Variants in NXN observed in about 807,000 individuals in gnomAD.
NXN encodes the protein nucleoredoxin 1.
Under a neutral mutation model 48.6 loss-of-function variants are expected in NXN, and 16 were observed. That is an observed-to-expected ratio of 0.33 (90% CI 0.22 to 0.50). The LOEUF is 0.50. Among genes scored for constraint, NXN ranks in the 20% least tolerant of loss-of-function variants. NXN has a pLI of 0.98. For missense variants in NXN, 492 were observed against 605.5 expected, an observed-to-expected ratio of 0.81 and a Z score of 1.97; for synonymous variants, 281 against 269.6, an observed-to-expected ratio of 1.04 and a Z score of -0.41.
At chr17:842,114 C>T (rs138139862) in intron 1 of NXN, among the ~76,000 whole-genome samples, 64 of 152,112 alleles carry the variant, frequency 4.2e-4, no homozygotes, top group African/African-American at 1.4e-3. Flanking sequence ...CCAGCCTGGG[C>T]GACAGAGAGA....
In NXN at chr17:855,451, T is replaced by A. The variant is rs116624040; in HGVS notation, c.361-29373A>T. Reference sequence around the variant, plus strand: ...TCCAAGATATCTTCTTTGCGGCTAGTAAAAACTTGACTGCTCCCCAGGATC... The same window carrying A: ...TCCAAGATATCTTCTTTGCGGCTAGAAAAAACTTGACTGCTCCCCAGGATC... On this transcript the variant is annotated intron_variant, in intron 1 of 7. Transcript: ENST00000336868. 9.8e-3 allele frequency among the ~76,000 whole-genome samples: 1,489 copies of A among 152,304 alleles called. 33 individuals are homozygous for A. The highest frequency in any genetic ancestry group is 0.034 in the African/African-American group (1,432 of 41,562).
chr17:887,714 A>G (rs771830678), intron 1 of NXN, among the ~76,000 whole-genome samples: 1 of 152,190 alleles, frequency 6.6e-6, no homozygotes, highest in Admixed American at 6.5e-5. Flanking sequence ...CCACCGTCAC[A>G]GAGCTGGCCC....
In NXN at chr17:920,138, G is replaced by A. The variant is rs528544698; in HGVS notation, c.360+59181C>T. On this transcript the variant is annotated intron_variant, in intron 1 of 7. Coordinates refer to ENST00000336868, the MANE Select transcript of NXN (RefSeq NM_022463.5). This position sits in a 1 kb window ranked among gnomAD's most constrained non-coding sequence, Gnocchi z 4.6. ...TGGTCTTGAACTCCTGGGCTCAAGC[G>A]ATCAGCCCATCTCAGCCGCCCAAAG... Among the ~76,000 whole-genome samples, 4 of 152,008 alleles carry A rather than the reference G, an allele frequency of 2.6e-5. No homozygotes were observed. Among genetic ancestry groups the A allele is most frequent in the African/African-American group, 4.8e-5 (2 of 41,466 alleles).
In NXN at chr17:805,220, G is replaced by A. The variant is rs766775982; in HGVS notation, c.848C>T (p.Pro283Leu). ...CTGCCGCGTGATCACCTCGCCCTGC[G>A]GGTCCAGCATGATGAGCGTGGGGAT... ...QGIPTLIMLDPQGEVITRQGR... is the reference protein window; with the variant it reads ...QGIPTLIMLDLQGEVITRQGR... Residue 283 changes from proline to leucine, a missense_variant, in exon 6 of 8, where the codon CCG becomes CTG. Coordinates refer to ENST00000336868, the MANE Select transcript of NXN (RefSeq NM_022463.5). 33 of 1,611,726 alleles carry A rather than the reference G, an allele frequency of 2.0e-5. No individual in the cohort carries two copies. Among genetic ancestry groups the A allele is most frequent in the East Asian group, 4.5e-5 (2 of 44,836 alleles).
At chr17:801,197 G>T in intron 7 of NXN, 66 bp from the exon 8 acceptor site, 2 of 1,306,018 alleles carry the variant, frequency 1.5e-6, no homozygotes, top group Non-Finnish European at 2.0e-6. Context: ...AGTCCCCTGG[G>T]CCCAGTCTCC....
At chr17:832,781 A>G (rs940693417) in intron 1 of NXN, among the ~76,000 whole-genome samples, 1 of 151,978 alleles carries the variant, frequency 6.6e-6, no homozygotes, top group African/African-American at 2.4e-5. Flanking sequence ...TCTCAGGAGC[A>G]CAGGAGGTCT....
intron 7 of NXN, among the ~76,000 whole-genome samples, chr17:802,929 T>A (rs751294689): frequency 9.8e-5 from 12 of 123,060 alleles, no homozygotes; most frequent in Non-Finnish European, 1.8e-4. Context: ...CAAAACTGTC[T>A]GTCAGTCAGT....
intron 5 of NXN, among the ~76,000 whole-genome samples, chr17:807,125 C>T (rs748601514): frequency 7.2e-5 from 11 of 152,216 alleles, no homozygotes; most frequent in Non-Finnish European, 1.6e-4. Context: ...TGTGTCCATC[C>T]ATGAGGCTCG....
At chr17:966,110 C>T (rs1452726896) in intron 1 of NXN, among the ~76,000 whole-genome samples, 1 of 148,988 alleles carries the variant, frequency 6.7e-6, no homozygotes, top group African/African-American at 2.5e-5. Context: ...GAGCAAAATT[C>T]TGTCTCAAAA....
At chr17:826,988 G>A (rs938010025) in intron 1 of NXN, among the ~76,000 whole-genome samples, 4 of 152,324 alleles carry the variant, frequency 2.6e-5, no homozygotes, top group Admixed American at 6.5e-5. Context: ...CACTGCCGTC[G>A]GGGTGAACGC....
chr17:840,377 C>T (rs1229593155), intron 1 of NXN, among the ~76,000 whole-genome samples: 3 of 151,922 alleles, frequency 2.0e-5, no homozygotes, highest in African/African-American at 7.2e-5. Flanking sequence ...TCTCGCTCTG[C>T]CGCCCAGGCT....
chr17:956,567 C>T lies in NXN; in HGVS notation c.360+22752G>A, dbSNP rs1055139293. ...TAGCTGGGACTACAGGCGCCCGCCA[C>T]CACGTCCGGCTAATTTTTTGTATTT... On this transcript the variant is annotated intron_variant, in intron 1 of 7. Transcript: ENST00000336868. The surrounding 1 kb of genome is among the most constrained non-coding windows in gnomAD (Gnocchi z 4.1). Among the ~76,000 whole-genome samples the T allele has an allele frequency of 6.6e-6, 1 of 152,142 alleles. No individual in the cohort carries two copies. Among genetic ancestry groups the T allele is most frequent in the Non-Finnish European group, 1.5e-5 (1 of 68,036 alleles).
chr17:939,477 C>G (rs1004730045), intron 1 of NXN, among the ~76,000 whole-genome samples: 2 of 151,622 alleles, frequency 1.3e-5, no homozygotes, highest in African/African-American at 2.4e-5. Flanking sequence ...TCCCCAGTAG[C>G]AGGGATTACA....
rs111954333 is a variant in NXN, at chr17:806,055, G to A, written c.821-808C>T. Among the ~76,000 whole-genome samples the A allele has an allele frequency of 1.3e-4, 19 of 151,692 alleles. 1 individual carries two copies. The highest frequency in any genetic ancestry group is 6.3e-4 in the South Asian group (3 of 4,788). ...CAGTGAGCGCAGGGCCAGTGCCGCC[G>A]GGGGGAACCTGAGGCTGGCCGCACC... On this transcript the variant is annotated intron_variant, in intron 5 of 7. Transcript: ENST00000336868.
At chr17:882,502 G>C (rs1354874832) in intron 1 of NXN, among the ~76,000 whole-genome samples, 1 of 152,164 alleles carries the variant, frequency 6.6e-6, no homozygotes, top group Non-Finnish European at 1.5e-5. Context: ...GTCTCGCTCT[G>C]TCACCCAGGC....
intron 5 of NXN, among the ~76,000 whole-genome samples, chr17:815,373 C>T (rs201737303): frequency 2.2e-4 from 26 of 115,856 alleles, no homozygotes; most frequent in Admixed American, 6.4e-4. Context: ...TTGAAGGCGA[C>T]GAGGCACTCA....
At chr17:905,405 G>A (rs1015837566) in intron 1 of NXN, among the ~76,000 whole-genome samples, 2 of 151,988 alleles carry the variant, frequency 1.3e-5, no homozygotes, top group African/African-American at 2.4e-5. Context: ...GTGACAGAAC[G>A]AGATCCTGTC....
chr17:857,549 C>A (rs2144768497), intron 1 of NXN, among the ~76,000 whole-genome samples: 1 of 152,306 alleles, frequency 6.6e-6, no homozygotes, highest in East Asian at 1.9e-4. Flanking sequence ...TGTGAGACAC[C>A]ACACCCAGCC....
intron 1 of NXN, among the ~76,000 whole-genome samples, chr17:962,501 C>A (rs2069249633): frequency 6.6e-6 from 1 of 152,138 alleles, no homozygotes; most frequent in African/African-American, 2.4e-5. Flanking sequence ...AACCCCGTCT[C>A]TACCAAAAAT....
Sources: allele counts gnomAD v4.1 joint callset (sites outside exome capture counted in the v4.1 genomes callset), GRCh38; gene constraint gnomAD v4.1.1; non-coding constraint Gnocchi (gnomAD v3.1); transcripts MANE v1.5; gene names NCBI Gene and HGNC (gene_info 2026-07-23, HGNC 2026-07-21).